Variants in GPD2 observed in about 807,000 individuals in gnomAD.
GPD2 encodes glycerol-3-phosphate dehydrogenase, mitochondrial.
In GPD2, 54 loss-of-function variants were observed where a neutral mutation model predicts 82.4. The observed-to-expected ratio is 0.66, with a 90% CI of 0.53 to 0.82. The LOEUF (loss-of-function observed/expected upper bound fraction) is 0.82. GPD2 is among the 40% of genes least tolerant of loss of function. The pLI is 0.00. For synonymous variants in GPD2, 288 were observed against 306.1 expected (o/e 0.94, Z 0.62); for missense variants, 748 against 896.2 (o/e 0.83, Z 2.11).
intron 3 of GPD2, among the ~76,000 whole-genome samples, chr2:156,507,180 A>AT (rs569493958): frequency 6.0e-5 from 9 of 149,568 alleles, no homozygotes; most frequent in Admixed American, 1.3e-4. Flanking sequence ...TGCCTGACAA[A>AT]TTTTTTTTTT....
At chr2:156,518,561 T>C (rs960721039) in intron 6 of GPD2, among the ~76,000 whole-genome samples, 1 of 152,200 alleles carries the variant, frequency 6.6e-6, no homozygotes, top group Non-Finnish European at 1.5e-5. Context: ...CCTGCAATTG[T>C]ACACTTTAAT....
chr2:156,456,341 C>A (rs187084013), intron 1 of GPD2, among the ~76,000 whole-genome samples: 2 of 152,238 alleles, frequency 1.3e-5, no homozygotes, highest in East Asian at 3.9e-4. Flanking sequence ...CGGTGGCTCA[C>A]ATCTATAACC....
intron 2 of GPD2, among the ~76,000 whole-genome samples, chr2:156,492,883 G>A (rs1558926053): frequency 6.6e-6 from 1 of 152,162 alleles, no homozygotes; most frequent in East Asian, 1.9e-4. Flanking sequence ...AACATTGACA[G>A]AGAAAAAGGT....
chr2:156,490,503 TA>T (rs567380293), intron 2 of GPD2, among the ~76,000 whole-genome samples: 103 of 152,314 alleles, frequency 6.8e-4, no homozygotes, highest in African/African-American at 2.3e-3. Flanking sequence ...GACTGTTCAG[TA>T]AAACCTTCAA....
At chr2:156,419,103 A>G in the GPD2 span, among the ~76,000 whole-genome samples, 73 of 117,668 alleles carry the variant, frequency 6.2e-4, no homozygotes, top group Admixed American at 9.3e-3. Context: ...CTTGTTGCCC[A>G]GGCTGGAGTG....
intron 6 of GPD2, among the ~76,000 whole-genome samples, chr2:156,538,657 A>G (rs1686175705): frequency 1.3e-5 from 2 of 151,798 alleles, no homozygotes; most frequent in Non-Finnish European, 2.9e-5. Context: ...CGTCTCTACT[A>G]AAAATACAAA....
intron 6 of GPD2, among the ~76,000 whole-genome samples, chr2:156,521,799 A>G (rs1438169618): frequency 6.6e-6 from 1 of 152,232 alleles, no homozygotes; most frequent in Non-Finnish European, 1.5e-5. Context: ...GATTTAAAAC[A>G]TATTTGCTTT....
rs1558952264 is a variant in GPD2 at position 156,543,387 on chromosome 2, T to C, written c.662-6221T>C. ...ACTGGGGAAGCAAATTTGAAAAAGA[T>C]GCACTCTGTTCTTTTAGGAACATAT... is the stretch of plus-strand genomic sequence containing the variant. On this transcript the variant is annotated intron_variant, in intron 6 of 16. Coordinates refer to ENST00000438166, the MANE Select transcript of GPD2 (RefSeq NM_000408.5). Among the ~76,000 whole-genome samples the C allele has an allele frequency of 3.9e-5, 6 of 152,188 alleles. No homozygotes were observed. In the South Asian group the frequency reaches 1.2e-3, roughly 31 times the overall value.
intron 1 of GPD2, among the ~76,000 whole-genome samples, chr2:156,440,617 AT>A (rs1457946008): frequency 6.6e-6 from 1 of 151,880 alleles, no homozygotes; most frequent in East Asian, 1.9e-4. Context: ...CTTATTTCCT[AT>A]TTTTCAGTAG....
intron 2 of GPD2, among the ~76,000 whole-genome samples, chr2:156,481,648 CT>C (rs869063014): frequency 2.4e-3 from 334 of 141,382 alleles, no homozygotes; most frequent in Middle Eastern, 3.6e-3. Context: ...CATTCTTTTT[CT>C]TTTTTTTTTT....
intron 1 of GPD2, among the ~76,000 whole-genome samples, chr2:156,450,638 A>C (rs1051566779): frequency 4.6e-5 from 7 of 151,328 alleles, no homozygotes; most frequent in Non-Finnish European, 1.0e-4. Flanking sequence ...TAAATTGTGG[A>C]AGTGGAGACA....
chr2:156,583,048 C>A lies in GPD2; in HGVS notation c.*130C>A. The A allele has an allele frequency of 1.0e-6, 1 of 987,742 alleles. No homozygotes were observed. Among genetic ancestry groups the A allele is most frequent in the Non-Finnish European group, 1.6e-6 (1 of 636,808 alleles). 61.2% of individuals were successfully genotyped at this position (987,742 alleles called of 1,614,324 possible). A position where few individuals can be genotyped will look rare whatever the true frequency, so the allele number is the denominator to read the frequency against. ...CCTTTTTTAACACTAGAAAACATTC[C>A]AAAACTTTAAGGTGTTGGTGTATTT... On this transcript the variant is annotated 3_prime_UTR_variant, in exon 17 of 17. Coordinates refer to ENST00000438166, the MANE Select transcript of GPD2 (RefSeq NM_000408.5).
In GPD2 at chr2:156,549,618, C is replaced by T. The variant is rs201094855; in HGVS notation, c.672C>T (p.Asn224=). The change falls in exon 7 of 17, where the codon AAC becomes AAT. Residue 224 remains asparagine, a synonymous_variant. Transcript: ENST00000438166. ...GAIVYYDGQH[N]DARMNLAIAL... is the part of the protein sequence containing the mutation. ...CTTTCCCCGCTGCAGGACAACATAA[C>T]GATGCACGGATGAACCTTGCCATTG... The T allele has an allele frequency of 8.2e-5, 133 of 1,613,960 alleles. No homozygotes were observed. Among genetic ancestry groups the T allele is most frequent in the East Asian group, 3.1e-4 (14 of 44,876 alleles).
chr2:156,404,849 G>T, the GPD2 span, among the ~76,000 whole-genome samples: 1 of 143,062 alleles, frequency 7.0e-6, no homozygotes, highest in East Asian at 2.0e-4. Flanking sequence ...GTGAGACTCC[G>T]TCTCCAAAAA....
At chr2:156,406,178 A>G in the GPD2 span, among the ~76,000 whole-genome samples, 1 of 152,134 alleles carries the variant, frequency 6.6e-6, no homozygotes, top group South Asian at 2.1e-4. Flanking sequence ...GCTGGGAATT[A>G]AATCATTACT....
intron 8 of GPD2, among the ~76,000 whole-genome samples, chr2:156,553,812 C>G (rs889304369): frequency 3.9e-5 from 6 of 151,948 alleles, no homozygotes; most frequent in Admixed American, 6.6e-5. Context: ...TATATATTAC[C>G]CAGAAGTAAT....
At chr2:156,488,092 T>C (rs558548875) in intron 2 of GPD2, among the ~76,000 whole-genome samples, 3 of 152,308 alleles carry the variant, frequency 2.0e-5, no homozygotes, top group Admixed American at 2.0e-4. Context: ...CCTTTTTTTT[T>C]CTTTTGTGTG....
At chr2:156,461,743 A>C (rs1448279976) in intron 1 of GPD2, among the ~76,000 whole-genome samples, 1 of 152,144 alleles carries the variant, frequency 6.6e-6, no homozygotes, top group Non-Finnish European at 1.5e-5. Context: ...CTCACTTTCA[A>C]AATACTTAAT....
intron 3 of GPD2, among the ~76,000 whole-genome samples, chr2:156,507,931 C>T (rs1476288151): frequency 6.6e-6 from 1 of 152,130 alleles, no homozygotes; most frequent in African/African-American, 2.4e-5. Context: ...CCTTTCTTCA[C>T]TCCACCTGCC....
Sources: allele counts gnomAD v4.1 joint callset (sites outside exome capture counted in the v4.1 genomes callset), GRCh38; gene constraint gnomAD v4.1.1; transcripts MANE v1.5; gene names NCBI Gene and HGNC (gene_info 2026-07-23, HGNC 2026-07-21).